CPM: variants seen among roughly 807,000 people sequenced by gnomAD.
CPM encodes the protein renal carboxypeptidase.
Under a neutral mutation model 46.4 loss-of-function variants are expected in CPM, and 35 were observed. The ratio of observed to expected loss-of-function variants is 0.75; its 90% CI spans 0.58 to 1.00. The LOEUF (loss-of-function observed/expected upper bound fraction) is 1.00. Ranked by LOEUF, CPM falls within the 50% of genes least tolerant of loss-of-function variation. The pLI is 0.00. For missense variants in CPM, 422 were observed against 530.4 expected, an observed-to-expected ratio of 0.80 and a Z score of 2.01; for synonymous variants, 195 against 195.3, an observed-to-expected ratio of 1.00 and a Z score of 0.01.
At chr12:68,884,889 T>A (rs1886363153) in intron 3 of CPM, among the ~76,000 whole-genome samples, 1 of 152,028 alleles carries the variant, frequency 6.6e-6, no homozygotes, top group Non-Finnish European at 1.5e-5. Context: ...AAAAGGAGAG[T>A]TTATCCCTGC....
rs1884755418 is a variant in CPM, at chr12:68,852,545, CTTTCT to C, written c.*3887_*3891del. The C allele has an allele frequency of 6.7e-6, 1 of 148,776 alleles. No individual in the cohort carries two copies. The highest frequency in any genetic ancestry group is 2.5e-5 in the African/African-American group (1 of 40,310). The allele number at this position is 148,776 out of a possible 1,614,324, so 9.2% of individuals were successfully genotyped here. A position where few individuals can be genotyped will look rare whatever the true frequency, so the allele number is the denominator to read the frequency against. Reference sequence around the variant, plus strand: ...TCCAGGGCTTCTGCCTTTTTTCTTTCTTTCTTTTTTCTTTTTTTTTTTTTGAGACA... The same window carrying C: ...TCCAGGGCTTCTGCCTTTTTTCTTTCTTTTTCTTTTTTTTTTTTTGAGACA... On this transcript the variant is annotated 3_prime_UTR_variant, in exon 9 of 9. Coordinates refer to ENST00000551568, the MANE Select transcript of CPM (RefSeq NM_198320.5).
At chr12:68,928,181 C>A (rs142606172) in intron 2 of CPM, among the ~76,000 whole-genome samples, 2,615 of 152,304 alleles carry the variant, frequency 0.017, 25 homozygotes, top group Middle Eastern at 0.031. Context: ...AGATATAAAT[C>A]AATGGAACAG....
At chr12:68,893,965 C>T (rs3782346) in intron 2 of CPM, among the ~76,000 whole-genome samples, 81,562 of 151,850 alleles carry the variant, frequency 0.54, 21,972 homozygotes, top group Non-Finnish European at 0.57. Context: ...GGAAGCTTTA[C>T]TCAGTGGAGT....
intron 1 of CPM, among the ~76,000 whole-genome samples, chr12:68,939,397 T>C (rs1386403876): frequency 6.7e-6 from 1 of 149,144 alleles, no homozygotes; most frequent in Non-Finnish European, 1.5e-5. Context: ...TATATATACA[T>C]AAATATATAA....
chr12:68,887,841 G>T (rs939272263), intron 2 of CPM, among the ~76,000 whole-genome samples: 2 of 152,118 alleles, frequency 1.3e-5, no homozygotes, highest in African/African-American at 4.8e-5. Context: ...ACAGATGCAG[G>T]GTTTTATAGA....
chr12:68,926,581 C>A (rs1026131565), intron 2 of CPM, among the ~76,000 whole-genome samples: 90 of 151,962 alleles, frequency 5.9e-4, no homozygotes, highest in African/African-American at 2.1e-3. Flanking sequence ...TATTATTATA[C>A]TTTAAGTTTT....
intron 5 of CPM, chr12:68,844,055 G>A (rs190426184): frequency 9.7e-6 from 2 of 206,362 alleles, no homozygotes; most frequent in East Asian, 1.5e-4. Flanking sequence ...ATATATGGAG[G>A]CAGTGACAGC....
At chr12:68,883,301 G>A (rs1309951748) in intron 3 of CPM, among the ~76,000 whole-genome samples, 1 of 152,166 alleles carries the variant, frequency 6.6e-6, no homozygotes, top group African/African-American at 2.4e-5. Flanking sequence ...GGAAAAAGGG[G>A]GTTGTTATAT....
chr12:68,916,401 C>A (rs1379640881), intron 2 of CPM, among the ~76,000 whole-genome samples: 1 of 152,172 alleles, frequency 6.6e-6, no homozygotes, highest in Non-Finnish European at 1.5e-5. Context: ...AATAAATTCA[C>A]TTGAAGGTTT....
intron 1 of CPM, among the ~76,000 whole-genome samples, chr12:68,958,310 A>C (rs1017162479): frequency 4.6e-5 from 7 of 152,198 alleles, no homozygotes; most frequent in Admixed American, 2.0e-4. Flanking sequence ...TCCCACCAAC[A>C]GTATAAAAGC....
At chr12:68,867,682 G>T (rs1885513775) in intron 6 of CPM, among the ~76,000 whole-genome samples, 1 of 152,164 alleles carries the variant, frequency 6.6e-6, no homozygotes, top group African/African-American at 2.4e-5. Context: ...CAGCACCTGT[G>T]GGCTTCCCCA....
chr12:68,857,823 G>T (rs1885042599), intron 8 of CPM, among the ~76,000 whole-genome samples: 1 of 152,086 alleles, frequency 6.6e-6, no homozygotes, highest in Non-Finnish European at 1.5e-5. Context: ...TATTTATGAG[G>T]TTGCATATAA....
At chr12:68,942,679 A>G (rs1888783297) in intron 1 of CPM, among the ~76,000 whole-genome samples, 1 of 152,240 alleles carries the variant, frequency 6.6e-6, no homozygotes, top group African/African-American at 2.4e-5. Flanking sequence ...TACAAGAGCC[A>G]AAAATCTCCA....
intron 2 of CPM, among the ~76,000 whole-genome samples, chr12:68,901,843 T>C (rs916855924): frequency 2.0e-5 from 3 of 151,268 alleles, no homozygotes; most frequent in Non-Finnish European, 2.9e-5. Context: ...ACAGAGCAAG[T>C]AGCAGAAGTA....
intron 2 of CPM, among the ~76,000 whole-genome samples, chr12:68,925,264 T>C (rs1208786953): frequency 6.6e-6 from 1 of 152,226 alleles, no homozygotes; most frequent in Non-Finnish European, 1.5e-5. Context: ...AGCTTTAGAC[T>C]TAGTAATTTC....
chr12:68,866,611 TGGGATTACA>T (rs906442153), intron 7 of CPM, among the ~76,000 whole-genome samples: 1 of 152,230 alleles, frequency 6.6e-6, no homozygotes, highest in Non-Finnish European at 1.5e-5. Context: ...CCCAAAGTGC[TGGGATTACA>T]GGCATGAGCC....
rs776037058 is a variant in CPM at position 68,856,610 on chromosome 12, C to A, written c.1159G>T (p.Ala387Ser). The A allele has an allele frequency of 3.1e-6, 5 of 1,614,202 alleles. No individual in the cohort carries two copies. In the Admixed American group the frequency reaches 8.3e-5, roughly 27 times the overall value. ...IIPEKSQNFS[A>S]LKKDILLPFQ... ...GGAAGTAGAATATCCTTTTTAAGAG[C>A]ACTGAAGTTCTGGGATTTCTCCGGA... The change falls in exon 9 of 9, where the codon GCT becomes TCT. Residue 387 changes from alanine (A) to serine (S), a missense_variant. By Grantham distance (99) the Ala-to-Ser change is moderately conservative. Coordinates refer to ENST00000551568, the MANE Select transcript of CPM (RefSeq NM_198320.5).
intron 3 of CPM, among the ~76,000 whole-genome samples, chr12:68,885,247 GTGTT>G: frequency 6.6e-6 from 1 of 152,302 alleles, no homozygotes; most frequent in South Asian, 2.1e-4. Context: ...ACCCAGCCAA[GTGTT>G]TGTTGAATGG....
chr12:68,876,026 G>A (rs1195723086), intron 3 of CPM, among the ~76,000 whole-genome samples: 1 of 151,986 alleles, frequency 6.6e-6, no homozygotes, highest in Non-Finnish European at 1.5e-5. Context: ...AATGATGTCT[G>A]ACAAATATTA....
Sources: allele counts gnomAD v4.1 joint callset (sites outside exome capture counted in the v4.1 genomes callset), GRCh38; gene constraint gnomAD v4.1.1; transcripts MANE v1.5; gene names NCBI Gene and HGNC (gene_info 2026-07-23, HGNC 2026-07-21).